The following TGM6 variants were observed in gnomAD, a reference collection of about 807,000 sequenced individuals.
The protein encoded by TGM6 is transglutaminase 6.
Under a neutral mutation model 77.5 loss-of-function variants are expected in TGM6, and 74 were observed. The observed-to-expected ratio is 0.96, with a 90% CI of 0.79 to 1.16. The LOEUF (loss-of-function observed/expected upper bound fraction) is 1.16. TGM6 is among the 50% of genes most tolerant of loss of function. The pLI is 0.00. For missense variants in TGM6, 968 were observed against 940.2 expected (o/e 1.03, Z -0.39); for synonymous variants, 383 against 378.9 (o/e 1.01, Z -0.12).
intron 9 of TGM6, among the ~76,000 whole-genome samples, chr20:2,413,128 C>G (rs1448674279): frequency 6.6e-6 from 1 of 152,180 alleles, no homozygotes; most frequent in African/African-American, 2.4e-5. Context: ...AAACTTACTA[C>G]AGCCAGGCAT....
chr20:2,409,404 C>T (rs924092125), intron 9 of TGM6, among the ~76,000 whole-genome samples: 12 of 152,150 alleles, frequency 7.9e-5, no homozygotes, highest in Non-Finnish European at 1.6e-4. Flanking sequence ...ATAGCCTAAT[C>T]TTCTACCTTA....
chr20:2,420,111 G>A (rs1482775992), intron 10 of TGM6, among the ~76,000 whole-genome samples: 1 of 152,090 alleles, frequency 6.6e-6, no homozygotes, highest in African/African-American at 2.4e-5. Flanking sequence ...CGGGCGTGGC[G>A]GCATGCGCCT....
chr20:2,407,333 T>C (rs1326123119), intron 9 of TGM6, among the ~76,000 whole-genome samples: 2 of 152,158 alleles, frequency 1.3e-5, no homozygotes, highest in African/African-American at 4.8e-5. Context: ...AAAATCATTT[T>C]ATGAGCCAGG....
At chr20:2,415,512 G>A (rs987513887) in intron 9 of TGM6, among the ~76,000 whole-genome samples, 7 of 152,118 alleles carry the variant, frequency 4.6e-5, no homozygotes, top group Non-Finnish European at 7.3e-5. Flanking sequence ...AAAGCTTGCC[G>A]GGACAGATTA....
chr20:2,397,210 C>T (rs1361463105), intron 4 of TGM6, among the ~76,000 whole-genome samples: 1 of 152,224 alleles, frequency 6.6e-6, no homozygotes, highest in East Asian at 1.9e-4. Flanking sequence ...TGGGTCTCTA[C>T]AGTGAGGCAG....
chr20:2,415,535 A>T (rs1184356808), intron 9 of TGM6, among the ~76,000 whole-genome samples: 1 of 152,194 alleles, frequency 6.6e-6, no homozygotes, highest in African/African-American at 2.4e-5. Context: ...GAAAACAGTA[A>T]TAAAAGTTCA....
intron 1 of TGM6, among the ~76,000 whole-genome samples, chr20:2,390,270 G>A (rs1334290261): frequency 3.3e-5 from 5 of 152,136 alleles, no homozygotes; most frequent in East Asian, 1.9e-4. Context: ...TTCATAATAC[G>A]GGGAAATAGT....
At chr20:2,406,067 C>T (rs946579760) in intron 9 of TGM6, among the ~76,000 whole-genome samples, 2 of 152,200 alleles carry the variant, frequency 1.3e-5, no homozygotes, top group Non-Finnish European at 2.9e-5. Context: ...AACACCTACT[C>T]ACACCCCCAA....
At position 2,403,720 on chromosome 20, in the gene TGM6, G is replaced by A. The variant is rs1322997207; in HGVS notation, c.1233G>A (p.Glu411=). 1 of 1,614,234 alleles carries A rather than the reference G, an allele frequency of 6.2e-7. No homozygotes were observed. Among genetic ancestry groups the A allele is most frequent in the Non-Finnish European group, 8.5e-7 (1 of 1,180,048 alleles). ...TGTGGCACGAGGATGAGAGCCGGGA[G>A]CGTGTATACTCAAACACGAAGAAGA... ...TWLWHEDESR[E]RVYSNTKKIG... The change falls in exon 9 of 13, where the codon GAG becomes GAA. Residue 411 remains glutamate, a synonymous_variant. Coordinates refer to ENST00000202625, the MANE Select transcript of TGM6 (RefSeq NM_198994.3).
In TGM6 at chr20:2,400,354, C is replaced by T. The variant is rs571859467; in HGVS notation, c.899C>T (p.Ser300Leu). 2.5e-6 allele frequency: 4 copies of T among 1,614,244 alleles called. No homozygotes were observed. The South Asian group carries it at 4.4e-5, about 18-fold the overall frequency. Residue 300 changes from serine to leucine, a missense_variant, in exon 7 of 13, where the codon TCA becomes TTA. By Grantham distance (145) the Ser-to-Leu change is moderately radical. Coordinates refer to ENST00000202625, the MANE Select transcript of TGM6 (RefSeq NM_198994.3). ...IATRVVSNFNSAHDTDQNLSV... is the reference protein window; with the variant it reads ...IATRVVSNFNLAHDTDQNLSV... ...ACACGGGTCGTGTCCAACTTCAACT[C>T]AGCCCACGACACAGACCAGAACCTG...
At chr20:2,389,484 T>C (rs1315161061) in intron 1 of TGM6, among the ~76,000 whole-genome samples, 1 of 152,190 alleles carries the variant, frequency 6.6e-6, no homozygotes, top group Non-Finnish European at 1.5e-5. Context: ...AACTCTGGGT[T>C]AAACAGATTG....
At chr20:2,392,437 GTA>G (rs768551940) in intron 1 of TGM6, among the ~76,000 whole-genome samples, 6 of 152,304 alleles carry the variant, frequency 3.9e-5, no homozygotes, top group Non-Finnish European at 7.3e-5. Context: ...CTGATAGCAT[GTA>G]TCAAAGCAAG....
intron 4 of TGM6, among the ~76,000 whole-genome samples, chr20:2,397,161 C>G (rs2084674823): frequency 6.6e-6 from 1 of 152,200 alleles, no homozygotes; most frequent in Non-Finnish European, 1.5e-5. Context: ...AAAGGAACCT[C>G]CACTTCGGCC....
In TGM6 at chr20:2,430,999, G is replaced by T. The variant is rs150652148; in HGVS notation, c.1939G>T (p.Gly647Cys). 6.2e-7 allele frequency: 1 copy of T among 1,613,942 alleles called. No individual in the cohort carries two copies. Among genetic ancestry groups the T allele is most frequent in the Non-Finnish European group, 8.5e-7 (1 of 1,180,014 alleles). The change falls in exon 12 of 13, where the codon GGC (glycine) becomes TGC (cysteine). Residue 647 changes from glycine to cysteine, a missense_variant. By Grantham distance (159) the Gly-to-Cys change is radical (BLOSUM62 -3). Transcript: ENST00000202625. ...CTGTGCGCTGATGGTGGAGGGCAGC[G>T]GCCTTCTCCAGGAACAGCTCAGCAT... The part of the protein sequence containing the change: ...KDCALMVEGS[G>C]LLQEQLSIDV...
chr20:2,430,772 TG>T, intron 11 of TGM6, 121 bp from the exon 12 acceptor site: 1 of 1,589,148 alleles, frequency 6.3e-7, no homozygotes, highest in Non-Finnish European at 8.6e-7. Flanking sequence ...CACTCAGCAA[TG>T]GGGTATATGG....
chr20:2,400,194 A>G, intron 6 of TGM6, 112 bp from the exon 7 acceptor site: 1 of 1,472,878 alleles, frequency 6.8e-7, no homozygotes, highest in Non-Finnish European at 9.4e-7. Context: ...ACAGACAAAG[A>G]TGGGGTGGCA....
At chr20:2,429,152 T>C (rs563784718) in intron 10 of TGM6, among the ~76,000 whole-genome samples, 9 of 152,142 alleles carry the variant, frequency 5.9e-5, no homozygotes, top group Non-Finnish European at 7.3e-5. Flanking sequence ...ACTGTTATTG[T>C]AATAAAGGTT....
At chr20:2,429,652 C>T (rs1323384995) in intron 10 of TGM6, among the ~76,000 whole-genome samples, 1 of 151,928 alleles carries the variant, frequency 6.6e-6, no homozygotes, top group Non-Finnish European at 1.5e-5. Context: ...GCCTGTAGTC[C>T]CAGCTACTCA....
chr20:2,392,909 AG>A (rs1319844527), intron 1 of TGM6, among the ~76,000 whole-genome samples: 1 of 152,166 alleles, frequency 6.6e-6, no homozygotes, highest in Non-Finnish European at 1.5e-5. Flanking sequence ...TTTCAGAAAA[AG>A]GAAGGTGCTT....
Sources: allele counts gnomAD v4.1 joint callset (sites outside exome capture counted in the v4.1 genomes callset), GRCh38; gene constraint gnomAD v4.1.1; transcripts MANE v1.5; gene names NCBI Gene and HGNC (gene_info 2026-07-23, HGNC 2026-07-21).